The following ADAMTS9 variants were observed in gnomAD, a reference collection of about 807,000 sequenced individuals.
ADAMTS9 encodes the protein A disintegrin and metalloproteinase with thrombospondin motifs 9.
A neutral mutation model predicts 257.1 loss-of-function variants in ADAMTS9; 107 were observed. The observed-to-expected ratio is 0.42, with a 90% confidence interval of 0.36 to 0.49. ADAMTS9 has a LOEUF of 0.49. Ranked by LOEUF, ADAMTS9 falls within the 20% of genes least tolerant of loss-of-function variation. The pLI is 0.03. For missense variants in ADAMTS9, 2,353 were observed against 2,469.1 expected (o/e 0.95, Z 1.00); for synonymous variants, 982 against 880.9 (o/e 1.11, Z -2.03).
At chr3:64,633,226 G>T (rs547241635) in intron 14 of ADAMTS9, among the ~76,000 whole-genome samples, 9 of 152,164 alleles carry the variant, frequency 5.9e-5, no homozygotes, top group African/African-American at 2.2e-4. Context: ...GAGAGGTTTT[G>T]TGCAAGACCC....
intron 28 of ADAMTS9, among the ~76,000 whole-genome samples, chr3:64,584,510 A>C (rs966330698): frequency 2.6e-5 from 4 of 152,200 alleles, no homozygotes; most frequent in Non-Finnish European, 1.5e-5. Context: ...TCTCAGATTA[A>C]AAACAGCTTC....
chr3:64,591,026 G>A (rs1164646304), intron 28 of ADAMTS9, among the ~76,000 whole-genome samples: 2 of 152,144 alleles, frequency 1.3e-5, no homozygotes, highest in African/African-American at 4.8e-5. Context: ...TTCTGCTGTG[G>A]TTCGATAGTA....
At chr3:64,682,771 C>T (rs186481667) in intron 2 of ADAMTS9, among the ~76,000 whole-genome samples, 383 of 152,302 alleles carry the variant, frequency 2.5e-3, no homozygotes, top group African/African-American at 8.5e-3. Context: ...AGGGGTAGGG[C>T]CCAAGAATTG....
chr3:64,517,908 C>G (rs1380121149), intron 39 of ADAMTS9, among the ~76,000 whole-genome samples: 1 of 152,138 alleles, frequency 6.6e-6, no homozygotes, highest in Non-Finnish European at 1.5e-5. Flanking sequence ...GGAACCATCC[C>G]TCTTCCAACT....
intron 37 of ADAMTS9, among the ~76,000 whole-genome samples, chr3:64,536,073 C>G (rs1032354995): frequency 3.3e-5 from 5 of 152,202 alleles, no homozygotes; most frequent in African/African-American, 1.2e-4. Flanking sequence ...CAGCTTCTTT[C>G]TGGACAATGC....
At position 64,686,893 on chromosome 3, in the gene ADAMTS9, G is replaced by A. The variant is rs372962935; in HGVS notation, c.191C>T (p.Pro64Leu). The A allele has an allele frequency of 5.0e-6, 8 of 1,614,078 alleles. No homozygotes were observed. The African/African-American group carries it at 8.0e-5, about 16-fold the overall frequency. The change falls in exon 2 of 40, where the codon CCC becomes CTC. Residue 64 changes from proline (P) to leucine (L), a missense_variant. Physicochemically the swap from Pro to Leu is moderately conservative, Grantham distance 98. Coordinates refer to ENST00000498707, the MANE Select transcript of ADAMTS9 (RefSeq NM_182920.2). This position sits in a 1 kb window ranked among gnomAD's most constrained non-coding sequence, Gnocchi z 4.6. ...IRVNALGEPF[P>L]TNVHFKRTRR... ...CGTTCTTTTGAAGTGGACGTTCGTGGGAAAGGGTTCTCCGAGAGCGTTCAC... is the reference window on the plus strand; with the variant it reads ...CGTTCTTTTGAAGTGGACGTTCGTGAGAAAGGGTTCTCCGAGAGCGTTCAC...
In ADAMTS9 at chr3:64,641,942, C is replaced by G; in HGVS notation, c.1762G>C (p.Asp588His). The change falls in exon 12 of 40, where the codon GAT (aspartate) becomes CAT (histidine). Residue 588 changes from aspartate to histidine, a missense_variant. Physicochemically the swap from Asp to His is moderately conservative, Grantham distance 81. Around this residue, in one of 3 missense-constraint regions of ADAMTS9, gnomAD observed 360 missense variants for 458.1 expected, o/e 0.79. Transcript: ENST00000498707. Reference protein sequence around the residue: ...VPKEMDVPVTDGSWGSWSPFG... With the variant: ...VPKEMDVPVTHGSWGSWSPFG... ...GGACTCCAACTTCCCCAGGATCCATCTGTCACGGGGACATCCATTTCTTTG... is the reference window on the plus strand; with the variant it reads ...GGACTCCAACTTCCCCAGGATCCATGTGTCACGGGGACATCCATTTCTTTG... 1.2e-6 allele frequency: 2 copies of G among 1,614,130 alleles called. 1 individual carries two copies. Among genetic ancestry groups the G allele is most frequent in the Middle Eastern group, 3.3e-4 (2 of 6,062 alleles).
intron 32 of ADAMTS9, among the ~76,000 whole-genome samples, chr3:64,545,964 C>A (rs896519367): frequency 2.6e-5 from 4 of 152,134 alleles, no homozygotes; most frequent in Admixed American, 6.5e-5. Flanking sequence ...TCTTCCAGGG[C>A]AGTCCCAATT....
chr3:64,552,666 T>G (rs2083284954), intron 30 of ADAMTS9, among the ~76,000 whole-genome samples: 1 of 150,994 alleles, frequency 6.6e-6, no homozygotes, highest in Non-Finnish European at 1.5e-5. Flanking sequence ...TCGACTTCCC[T>G]CCTACATTTT....
chr3:64,622,676 C>A, intron 16 of ADAMTS9, 90 bp from the exon 17 acceptor site: 2 of 1,416,184 alleles, frequency 1.4e-6, no homozygotes, highest in South Asian at 2.5e-5. Context: ...GGTAGAGAGT[C>A]GCTGTGCACG....
chr3:64,603,407 A>T (rs934839982), intron 25 of ADAMTS9, among the ~76,000 whole-genome samples: 23 of 128,316 alleles, frequency 1.8e-4, no homozygotes, highest in Admixed American at 1.1e-3. Flanking sequence ...CTAAAGATAA[A>T]AGTTCTACTT....
chr3:64,629,972 G>T (rs1482023629), intron 16 of ADAMTS9, among the ~76,000 whole-genome samples: 1 of 152,206 alleles, frequency 6.6e-6, no homozygotes, highest in Admixed American at 6.5e-5. Context: ...AGCTGAATAT[G>T]TCCAAATGCT....
chr3:64,524,221 T>C (rs2082883610), intron 38 of ADAMTS9, among the ~76,000 whole-genome samples: 1 of 152,234 alleles, frequency 6.6e-6, no homozygotes, highest in Non-Finnish European at 1.5e-5. Context: ...AATCTTTTTA[T>C]GTCAAAATCC....
At chr3:64,671,444 G>A (rs1701485319) in intron 3 of ADAMTS9, among the ~76,000 whole-genome samples, 1 of 152,104 alleles carries the variant, frequency 6.6e-6, no homozygotes, top group African/African-American at 2.4e-5. Context: ...GTTACAGCAT[G>A]TAAATTATAC....
At chr3:64,590,327 T>C (rs2084237942) in intron 28 of ADAMTS9, among the ~76,000 whole-genome samples, 1 of 152,196 alleles carries the variant, frequency 6.6e-6, no homozygotes, top group Non-Finnish European at 1.5e-5. Context: ...TTTACAAAAT[T>C]AAAATGTATC....
chr3:64,604,944 G>C (rs2084531547), intron 23 of ADAMTS9, among the ~76,000 whole-genome samples: 1 of 152,190 alleles, frequency 6.6e-6, no homozygotes, highest in South Asian at 2.1e-4. Flanking sequence ...AGGAACAAAA[G>C]TACACACCTG....
At chr3:64,549,889 A>G (rs575671077) in intron 31 of ADAMTS9, among the ~76,000 whole-genome samples, 4 of 152,342 alleles carry the variant, frequency 2.6e-5, no homozygotes, top group East Asian at 1.9e-4. Flanking sequence ...GCAGGAAGCA[A>G]TTCAACACCC....
intron 11 of ADAMTS9, among the ~76,000 whole-genome samples, chr3:64,643,656 G>T (rs1245739557): frequency 1.3e-5 from 2 of 151,012 alleles, no homozygotes; most frequent in African/African-American, 2.4e-5. Flanking sequence ...TAGGGGTGGG[G>T]GTCTTAGTAT....
intron 11 of ADAMTS9, among the ~76,000 whole-genome samples, chr3:64,646,460 A>T (rs953034832): frequency 6.6e-6 from 1 of 152,164 alleles, no homozygotes; most frequent in Non-Finnish European, 1.5e-5. Flanking sequence ...TCTTGCAAAG[A>T]TTCACTCTTT....
Sources: allele counts gnomAD v4.1 joint callset (sites outside exome capture counted in the v4.1 genomes callset), GRCh38; gene constraint gnomAD v4.1.1; regional missense constraint gnomAD v4.1.1; non-coding constraint Gnocchi (gnomAD v3.1); transcripts MANE v1.5; gene names NCBI Gene and HGNC (gene_info 2026-07-23, HGNC 2026-07-21).